PLCL1: variants seen among roughly 807,000 people sequenced by gnomAD.
PLCL1 encodes the protein inactive phospholipase C-like protein 1.
A neutral mutation model predicts 84.4 loss-of-function variants in PLCL1; 41 were observed. The ratio of observed to expected loss-of-function variants is 0.49; its 90% CI spans 0.38 to 0.63. The LOEUF is 0.63. PLCL1 is among the 30% of genes least tolerant of loss of function. The pLI is 0.00. For missense variants in PLCL1, 1,206 were observed against 1,367.8 expected, an observed-to-expected ratio of 0.88 and a Z score of 1.87; for synonymous variants, 490 against 488.3, an observed-to-expected ratio of 1.00 and a Z score of -0.05.
chr2:197,896,548 C>T (rs73056805), intron 1 of PLCL1, among the ~76,000 whole-genome samples: 2,561 of 151,968 alleles, frequency 0.017, 69 homozygotes, highest in African/African-American at 0.056. Flanking sequence ...GACTAATCTC[C>T]AGTATTAAAC....
chr2:197,930,017 G>A (rs923503634), intron 1 of PLCL1, among the ~76,000 whole-genome samples: 6 of 152,140 alleles, frequency 3.9e-5, no homozygotes, highest in African/African-American at 1.4e-4. Context: ...GATTCCCATG[G>A]GGTGAATCTG....
At chr2:198,064,629 C>T (rs890797042) in intron 1 of PLCL1, among the ~76,000 whole-genome samples, 22 of 152,042 alleles carry the variant, frequency 1.4e-4, no homozygotes, top group Admixed American at 6.6e-5. Context: ...TCCCACTAAC[C>T]GCACCATTGT....
At chr2:197,912,794 TGGG>T (rs1688509443) in intron 1 of PLCL1, among the ~76,000 whole-genome samples, 2 of 58,456 alleles carry the variant, frequency 3.4e-5, no homozygotes, top group African/African-American at 1.5e-4. Context: ...GGGACCGTGG[TGGG>T]GTGGGGGGTG....
chr2:198,050,010 T>C (rs1456335905), intron 1 of PLCL1, among the ~76,000 whole-genome samples: 1 of 152,212 alleles, frequency 6.6e-6, no homozygotes, highest in East Asian at 1.9e-4. Context: ...AGAAAGGCTT[T>C]GGCAAGGATA....
At chr2:197,871,428 TA>T (rs1574923531) in intron 1 of PLCL1, among the ~76,000 whole-genome samples, 1 of 152,088 alleles carries the variant, frequency 6.6e-6, no homozygotes, top group South Asian at 2.1e-4. Context: ...AGGTTCTTGG[TA>T]AAATGCAGAT....
intron 1 of PLCL1, among the ~76,000 whole-genome samples, chr2:198,053,492 T>A (rs1691990505): frequency 6.6e-6 from 1 of 152,168 alleles, no homozygotes; most frequent in Non-Finnish European, 1.5e-5. Flanking sequence ...AGCCAAGGAG[T>A]GGTAGTAGCT....
intron 1 of PLCL1, among the ~76,000 whole-genome samples, chr2:198,017,837 C>CAAA (rs1186588011): frequency 7.2e-5 from 11 of 152,176 alleles, no homozygotes; most frequent in African/African-American, 2.7e-4. Context: ...CAACAGTAGA[C>CAAA]ATTTAAGTAT....
Position 198,085,679 on chromosome 2 carries a change from TA to T in PLCL1, c.2163del (p.Ala722LeufsTer25). ...GGCATTCTACCTGGGGTGTCTCCTC[TA>T]GCTCTTCATATCAAGATCATCAGTG... ...TKGILPGVSPLALHIKIISGQ... is the reference protein window; with the variant it reads ...TKGILPGVSPXALHIKIISGQ... On this transcript the variant is annotated frameshift_variant, in exon 2 of 6. Coordinates refer to ENST00000428675, the MANE Select transcript of PLCL1 (RefSeq NM_006226.4). LOFTEE classifies it high-confidence loss of function. This position sits in a 1 kb window ranked among gnomAD's most constrained non-coding sequence, Gnocchi z 5.3. The T allele has an allele frequency of 6.2e-7, 1 of 1,614,164 alleles. No individual in the cohort carries two copies. Among genetic ancestry groups the T allele is most frequent in the Non-Finnish European group, 8.5e-7 (1 of 1,179,994 alleles).
At chr2:198,034,986 A>C (rs1198803933) in intron 1 of PLCL1, among the ~76,000 whole-genome samples, 1 of 152,094 alleles carries the variant, frequency 6.6e-6, no homozygotes, top group Non-Finnish European at 1.5e-5. Flanking sequence ...GTCCTTTTTC[A>C]TGTCTCGTCA....
chr2:197,878,106 C>T (rs1304650357), intron 1 of PLCL1, among the ~76,000 whole-genome samples: 4 of 152,078 alleles, frequency 2.6e-5, no homozygotes, highest in Non-Finnish European at 5.9e-5. Context: ...AAAATGGTAT[C>T]TATGTTATTA....
intron 1 of PLCL1, among the ~76,000 whole-genome samples, chr2:197,967,063 T>A (rs1404210411): frequency 1.3e-5 from 2 of 152,060 alleles, no homozygotes; most frequent in Non-Finnish European, 2.9e-5. Flanking sequence ...AGTCTGCTGC[T>A]CCAGCTCAGA....
intron 1 of PLCL1, among the ~76,000 whole-genome samples, chr2:197,813,445 T>G (rs1483070207): frequency 6.6e-6 from 1 of 152,160 alleles, no homozygotes; most frequent in African/African-American, 2.4e-5. Flanking sequence ...CAGCATTTAG[T>G]AAACTCCAGC....
chr2:198,111,520 T>C (rs945222329), intron 5 of PLCL1, among the ~76,000 whole-genome samples: 3 of 151,936 alleles, frequency 2.0e-5, no homozygotes, highest in African/African-American at 4.8e-5. Context: ...TAAATATATA[T>C]AAAGCAGTAT....
intron 1 of PLCL1, among the ~76,000 whole-genome samples, chr2:197,864,268 C>T (rs555871151): frequency 6.6e-6 from 1 of 151,972 alleles, no homozygotes; most frequent in Non-Finnish European, 1.5e-5. Context: ...ATCCTTGTCC[C>T]TCCAGGTGGC....
chr2:197,935,683 C>T (rs1040660161), intron 1 of PLCL1, among the ~76,000 whole-genome samples: 1 of 152,058 alleles, frequency 6.6e-6, no homozygotes, highest in African/African-American at 2.4e-5. Context: ...ACCGGGGTGA[C>T]AAAATAATCT....
chr2:197,808,687 T>C (rs928458610), intron 1 of PLCL1, among the ~76,000 whole-genome samples: 1 of 152,210 alleles, frequency 6.6e-6, no homozygotes, highest in Non-Finnish European at 1.5e-5. Flanking sequence ...CTGTTCCAAA[T>C]AGCTGTAGTG....
chr2:198,044,096 C>A (rs1426661380), intron 1 of PLCL1, among the ~76,000 whole-genome samples: 1 of 152,040 alleles, frequency 6.6e-6, no homozygotes, highest in Non-Finnish European at 1.5e-5. Flanking sequence ...GCATTATTTA[C>A]TTATAAATAA....
chr2:198,037,970 A>G (rs529324005), intron 1 of PLCL1, among the ~76,000 whole-genome samples: 2 of 152,336 alleles, frequency 1.3e-5, no homozygotes, highest in African/African-American at 4.8e-5. Flanking sequence ...AAGAAACTGA[A>G]ATGTATCATT....
chr2:197,881,076 TG>T (rs918965209), intron 1 of PLCL1, among the ~76,000 whole-genome samples: 1 of 152,168 alleles, frequency 6.6e-6, no homozygotes, highest in Non-Finnish European at 1.5e-5. Flanking sequence ...TGCCAGCCTG[TG>T]AGCTCCCTGA....
Sources: gnomAD v4.1 joint callset for allele counts (sites outside exome capture counted in the v4.1 genomes callset) on GRCh38, gnomAD v4.1.1 for gene constraint, Gnocchi (gnomAD v3.1) non-coding constraint, MANE v1.5 for transcripts, NCBI Gene and HGNC (gene_info 2026-07-23, HGNC 2026-07-21) for gene names.